MTMR2: variants seen among roughly 807,000 people sequenced by gnomAD.
MTMR2 encodes phosphatidylinositol-3,5-bisphosphate 3-phosphatase MTMR2.
In MTMR2, 55 loss-of-function variants were observed where a neutral mutation model predicts 86.9. The observed-to-expected ratio is 0.63, with a 90% CI of 0.51 to 0.79. The LOEUF is 0.79. Ranked by LOEUF, MTMR2 falls within the 30% of genes least tolerant of loss-of-function variation. The pLI, the probability that MTMR2 is intolerant of heterozygous loss-of-function variation, is 0.00. For missense variants in MTMR2, 659 were observed against 772.3 expected, an observed-to-expected ratio of 0.85 and a Z score of 1.74; for synonymous variants, 241 against 266.8, an observed-to-expected ratio of 0.90 and a Z score of 0.94.
intron 7 of MTMR2, among the ~76,000 whole-genome samples, chr11:95,852,927 T>C (rs1359660874): frequency 6.6e-6 from 1 of 151,670 alleles, no homozygotes; most frequent in Non-Finnish European, 1.5e-5. Context: ...CCCAGCTACT[T>C]GGGAAGCTGA....
chr11:95,844,737 GA>G (rs1363107803), intron 11 of MTMR2, among the ~76,000 whole-genome samples: 1 of 152,098 alleles, frequency 6.6e-6, no homozygotes, highest in Non-Finnish European at 1.5e-5. Flanking sequence ...GGAGATCACA[GA>G]AAAGACTGGG....
intron 7 of MTMR2, among the ~76,000 whole-genome samples, chr11:95,852,712 A>C (rs1308187930): frequency 1.3e-5 from 2 of 152,122 alleles, no homozygotes; most frequent in East Asian, 3.9e-4. Context: ...TATTTCCAGA[A>C]CTACAGTCTT....
Position 95,850,020 on chromosome 11 carries a change from A to G in MTMR2, c.805-158T>C, listed in dbSNP as rs542539018. Among the ~76,000 whole-genome samples the G allele has an allele frequency of 2.2e-3, 335 of 152,298 alleles. 1 individual carries two copies. The highest frequency in any genetic ancestry group is 3.6e-3 in the Non-Finnish European group (247 of 68,018). Reference sequence around the variant, plus strand: ...AAGAAAAATCATCACCTTTCCTTCAAGCCAATTCTGGGATGTGGAAAACTT... The same window carrying G: ...AAGAAAAATCATCACCTTTCCTTCAGGCCAATTCTGGGATGTGGAAAACTT... On this transcript the variant is annotated intron_variant, in intron 8 of 14. Coordinates refer to ENST00000346299, the MANE Select transcript of MTMR2 (RefSeq NM_016156.6).
Position 95,891,666 on chromosome 11 carries a change from T to C in MTMR2, c.81-3405A>G, listed in dbSNP as rs73533139. Among the ~76,000 whole-genome samples, 1,482 of 152,314 alleles carry C rather than the reference T, an allele frequency of 9.7e-3. 23 individuals are homozygous for C. The highest frequency in any genetic ancestry group is 0.034 in the African/African-American group (1,424 of 41,562). ...CACACATAAACATAGGTAGATATTA[T>C]GATCCACAGTGTTATAGTTTAATAA... On this transcript the variant is annotated intron_variant, in intron 1 of 14. Coordinates refer to ENST00000346299, the MANE Select transcript of MTMR2 (RefSeq NM_016156.6).
Position 95,835,106 on chromosome 11 carries a change from G to C in MTMR2, c.*184C>G. 1.6e-6 allele frequency: 1 copy of C among 619,796 alleles called. No homozygotes were observed. Among genetic ancestry groups the C allele is most frequent in the Non-Finnish European group, 2.9e-6 (1 of 347,748 alleles). The allele number at this position is 619,796 out of a possible 1,614,324, so 38.4% of individuals were successfully genotyped here. On this transcript the variant is annotated 3_prime_UTR_variant, in exon 15 of 15. Transcript: ENST00000346299. ...TATCATAATCATGTAATTACATATGGAGTTACTTCACTTAAGCCACCTGCA... is the reference window on the plus strand; with the variant it reads ...TATCATAATCATGTAATTACATATGCAGTTACTTCACTTAAGCCACCTGCA...
chr11:95,876,529 G>A (rs997225820), intron 2 of MTMR2, among the ~76,000 whole-genome samples: 1 of 152,020 alleles, frequency 6.6e-6, no homozygotes, highest in Non-Finnish European at 1.5e-5. Flanking sequence ...CTGGAGCTCT[G>A]GCCACATCAA....
chr11:95,876,917 A>G (rs557657699), intron 2 of MTMR2, among the ~76,000 whole-genome samples: 1 of 152,172 alleles, frequency 6.6e-6, no homozygotes, highest in African/African-American at 2.4e-5. Context: ...TCGATCTAGA[A>G]GTTGGCAAGT....
chr11:95,894,068 C>A (rs181723486), intron 1 of MTMR2, among the ~76,000 whole-genome samples: 51 of 152,252 alleles, frequency 3.3e-4, no homozygotes, highest in Non-Finnish European at 7.1e-4. Flanking sequence ...TTTTACTCAT[C>A]TGGAACCACT....
chr11:95,844,965 A>G lies in MTMR2; in HGVS notation c.1374T>C (p.His458=). 6.2e-7 allele frequency: 1 copy of G among 1,613,036 alleles called. No individual in the cohort carries two copies. The highest frequency in any genetic ancestry group is 8.5e-7 in the Non-Finnish European group (1 of 1,179,088). The change falls in exon 11 of 15, where the codon CAT becomes CAC. Residue 458 remains histidine, a synonymous_variant. Transcript: ENST00000346299. ...GTTCCTTACTTACTAGTTGAAATCG[A>G]TGTCCAAAACTTAGCCATTCTTTCT... The part of the protein sequence containing the change: ...LVEKEWLSFG[H]RFQLRVGHGD...
intron 2 of MTMR2, among the ~76,000 whole-genome samples, chr11:95,874,070 T>G (rs1195922492): frequency 1.3e-5 from 2 of 152,224 alleles, no homozygotes; most frequent in Non-Finnish European, 2.9e-5. Flanking sequence ...ATGTATATTC[T>G]GTTGATTTGG....
Position 95,865,601 on chromosome 11 carries a change from C to T in MTMR2, c.262G>A (p.Ala88Thr). ...LLPGENIKDM[A>T]KDVTYICPFT... ...TTAAGCAAAAAATACCATTACGGAC[C>T]CATGTCTTTAATATTTTCTCCTGGA... The change falls in exon 3 of 15, where the codon GCC becomes ACC. Residue 88 changes from alanine to threonine, a missense_variant and splice_region_variant. This residue lies in a region of MTMR2 where 387 missense variants were observed against 526.3 expected (regional missense o/e 0.74). Transcript: ENST00000346299. 1 of 1,612,840 alleles carries T rather than the reference C, an allele frequency of 6.2e-7. No individual in the cohort carries two copies. Among genetic ancestry groups the T allele is most frequent in the Non-Finnish European group, 8.5e-7 (1 of 1,178,924 alleles).
intron 10 of MTMR2, 126 bp downstream of exon 10, chr11:95,847,588 A>G: frequency 1.1e-6 from 1 of 869,582 alleles, no homozygotes; most frequent in Non-Finnish European, 1.9e-6. Context: ...CCAAGTATCA[A>G]AGCATTTACC....
chr11:95,888,553 C>T (rs1357317465), intron 1 of MTMR2, among the ~76,000 whole-genome samples: 1 of 152,132 alleles, frequency 6.6e-6, no homozygotes, highest in African/African-American at 2.4e-5. Context: ...ATCCAAAGAA[C>T]ATTCACTGAG....
intron 1 of MTMR2, among the ~76,000 whole-genome samples, chr11:95,896,225 C>T (rs1865876408): frequency 6.6e-6 from 1 of 152,148 alleles, no homozygotes; most frequent in South Asian, 2.1e-4. Context: ...TAGCCACTCT[C>T]ATAGCACTTT....
intron 13 of MTMR2, among the ~76,000 whole-genome samples, chr11:95,837,306 G>A (rs778196166): frequency 4.6e-5 from 7 of 151,992 alleles, no homozygotes; most frequent in African/African-American, 2.4e-5. Context: ...CAAGCGAACT[G>A]TTACAGTAAG....
intron 1 of MTMR2, among the ~76,000 whole-genome samples, chr11:95,909,655 C>T (rs147825692): frequency 9.5e-4 from 144 of 151,968 alleles, no homozygotes; most frequent in Non-Finnish European, 1.3e-3. Context: ...TTTTTTTAAC[C>T]TCCCCTCCAT....
At chr11:95,886,570 G>A (rs1047506507) in intron 2 of MTMR2, among the ~76,000 whole-genome samples, 5 of 152,064 alleles carry the variant, frequency 3.3e-5, no homozygotes, top group African/African-American at 4.8e-5. Flanking sequence ...CATGTATGTC[G>A]AGTTAAGTAG....
intron 1 of MTMR2, among the ~76,000 whole-genome samples, chr11:95,906,384 C>T (rs1866277676): frequency 6.6e-6 from 1 of 152,262 alleles, no homozygotes; most frequent in East Asian, 1.9e-4. Flanking sequence ...CACAGGAGCT[C>T]ACCTAGGTTC....
At chr11:95,870,622 G>A (rs966835765) in intron 2 of MTMR2, among the ~76,000 whole-genome samples, 1 of 151,170 alleles carries the variant, frequency 6.6e-6, no homozygotes, top group African/African-American at 2.4e-5. Context: ...AGCAATGGGA[G>A]AAGAGAGAAA....
Sources: gnomAD v4.1 joint callset for allele counts (sites outside exome capture counted in the v4.1 genomes callset) on GRCh38, gnomAD v4.1.1 for gene constraint, gnomAD v4.1.1 regional missense constraint, MANE v1.5 for transcripts, NCBI Gene and HGNC (gene_info 2026-07-23, HGNC 2026-07-21) for gene names.